MEGF11: variants seen among roughly 807,000 people sequenced by gnomAD.
The protein encoded by MEGF11 is multiple EGF like domains 11.
In MEGF11, 126 loss-of-function variants were observed where a neutral mutation model predicts 146.6. The ratio of observed to expected loss-of-function variants is 0.86; its 90% CI spans 0.74 to 1.00. MEGF11 has a LOEUF of 1.00. MEGF11 is among the 50% of genes least tolerant of loss of function. The pLI is 0.00. For synonymous variants in MEGF11, 532 were observed against 583.4 expected (o/e 0.91, Z 1.27); for missense variants, 1,509 against 1,521.2 (o/e 0.99, Z 0.13).
At chr15:65,959,796 G>A (rs1209166691) in intron 9 of MEGF11, among the ~76,000 whole-genome samples, 4 of 152,142 alleles carry the variant, frequency 2.6e-5, no homozygotes, top group Admixed American at 6.5e-5. Context: ...TGTGAATTAG[G>A]TATTTGAGCC....
chr15:66,015,338 G>A (rs935119368), intron 5 of MEGF11, among the ~76,000 whole-genome samples: 10 of 152,170 alleles, frequency 6.6e-5, no homozygotes, highest in Admixed American at 3.9e-4. Context: ...AGTTGCTCTC[G>A]GCTAGATCTG....
At chr15:66,015,306 T>C (rs1386048931) in intron 5 of MEGF11, among the ~76,000 whole-genome samples, 1 of 152,208 alleles carries the variant, frequency 6.6e-6, no homozygotes, top group Non-Finnish European at 1.5e-5. Flanking sequence ...GAGGGTCATC[T>C]GGGCAGCTCT....
chr15:66,245,454 C>A (rs2092281485), intron 1 of MEGF11, among the ~76,000 whole-genome samples: 2 of 129,648 alleles, frequency 1.5e-5, no homozygotes. Context: ...ATAGCAAGAC[C>A]CATCTCTGTA....
At chr15:66,088,857 T>G (rs1374432188) in intron 5 of MEGF11, among the ~76,000 whole-genome samples, 3 of 152,148 alleles carry the variant, frequency 2.0e-5, no homozygotes, top group African/African-American at 7.2e-5. Flanking sequence ...GGGGAGTTAG[T>G]GTTCAGTGAG....
chr15:66,064,106 A>G (rs190556881), intron 5 of MEGF11, among the ~76,000 whole-genome samples: 31 of 152,304 alleles, frequency 2.0e-4, no homozygotes, highest in African/African-American at 7.5e-4. Flanking sequence ...GCAGTGGCTC[A>G]CACCTGTAAT....
chr15:66,210,679 C>G (rs1176001520), intron 1 of MEGF11, among the ~76,000 whole-genome samples: 1 of 152,224 alleles, frequency 6.6e-6, no homozygotes, highest in Non-Finnish European at 1.5e-5. Context: ...GAGGGACTTT[C>G]AAGATCATCT....
rs1488362798 is a variant in MEGF11 at position 65,913,849 on chromosome 15, C to T, written c.2598G>A (p.Leu866=). ...MLLLFLIVVL[L]GLFAWHRRRQ... is the part of the protein sequence containing the mutation. Reference sequence around the variant, plus strand: ...GCCGCCGATGCCAGGCAAATAGGCCCAGCAGCACCACAATGAGGAATAACA... The same window carrying T: ...GCCGCCGATGCCAGGCAAATAGGCCTAGCAGCACCACAATGAGGAATAACA... Residue 866 remains leucine (L), a synonymous_variant, in exon 20 of 26, where the codon CTG becomes CTA. Transcript: ENST00000395614. 4 of 1,614,038 alleles carry T rather than the reference C, an allele frequency of 2.5e-6. No individual in the cohort carries two copies. The South Asian group carries it at 4.4e-5, about 18-fold the overall frequency.
chr15:66,009,784 C>T (rs941878003), intron 5 of MEGF11, among the ~76,000 whole-genome samples: 4 of 151,682 alleles, frequency 2.6e-5, no homozygotes, highest in African/African-American at 4.8e-5. Flanking sequence ...TTAGTAGAGG[C>T]GGGGTTTCAT....
At chr15:66,188,022 G>A (rs963484555) in intron 1 of MEGF11, among the ~76,000 whole-genome samples, 1 of 152,142 alleles carries the variant, frequency 6.6e-6, no homozygotes, top group Non-Finnish European at 1.5e-5. Flanking sequence ...CTGACGTTTT[G>A]GGCTGGATAA....
chr15:65,896,307 G>A lies in MEGF11; in HGVS notation c.*1627C>T, dbSNP rs1216329886. 6.6e-6 allele frequency: 1 copy of A among 152,548 alleles called. No homozygotes were observed. The highest frequency in any genetic ancestry group is 1.5e-5 in the Non-Finnish European group (1 of 68,016). 9.4% of individuals were successfully genotyped at this position (152,548 alleles called of 1,614,324 possible). On this transcript the variant is annotated 3_prime_UTR_variant, in exon 26 of 26. Coordinates refer to ENST00000395614, the MANE Select transcript of MEGF11 (RefSeq NM_001385028.1). ...ATATTTTCCTCTAACAGTAAAATCT[G>A]CTTATGCCTTGAGTGATGTGGGAAG...
chr15:66,159,185 G>T (rs2089867515), intron 1 of MEGF11, among the ~76,000 whole-genome samples: 1 of 152,228 alleles, frequency 6.6e-6, no homozygotes, highest in African/African-American at 2.4e-5. Context: ...CTTTCTAGAT[G>T]AGAAAACTGA....
At chr15:66,157,584 C>T (rs1183663165) in intron 1 of MEGF11, among the ~76,000 whole-genome samples, 1 of 152,250 alleles carries the variant, frequency 6.6e-6, no homozygotes, top group South Asian at 2.1e-4. Context: ...CCATCTTCGT[C>T]CCTTTCTCCT....
At chr15:66,185,018 C>T (rs1442695010) in intron 1 of MEGF11, among the ~76,000 whole-genome samples, 2 of 152,164 alleles carry the variant, frequency 1.3e-5, no homozygotes, top group Non-Finnish European at 2.9e-5. Context: ...GCTTGTCTCT[C>T]ACACTGCATA....
chr15:65,964,798 C>T (rs1456632291), intron 9 of MEGF11, 110 bp downstream of exon 9: 1 of 1,073,064 alleles, frequency 9.3e-7, no homozygotes, highest in African/African-American at 1.6e-5. Context: ...CCCTTTCCCC[C>T]ACCTGCCTGG....
chr15:65,921,816 G>A (rs1182784952), intron 15 of MEGF11: 1 of 155,532 alleles, frequency 6.4e-6, no homozygotes, highest in Non-Finnish European at 1.4e-5. Context: ...CTCCTGCTGA[G>A]TGGTAGCAGT....
intron 5 of MEGF11, among the ~76,000 whole-genome samples, chr15:66,043,230 A>C (rs1259659377): frequency 6.6e-6 from 1 of 152,262 alleles, no homozygotes; most frequent in Non-Finnish European, 1.5e-5. Context: ...AGTGGTTGGC[A>C]ACCCAATGGT....
intron 17 of MEGF11, 77 bp from the exon 18 acceptor site, chr15:65,916,353 TTCTG>T (rs113004184): frequency 1.6e-5 from 23 of 1,476,160 alleles, no homozygotes; most frequent in African/African-American, 1.1e-4. Context: ...CAGACCTGTC[TTCTG>T]TCTCTTTTTT....
chr15:65,983,508 A>T (rs2081736653), intron 5 of MEGF11, among the ~76,000 whole-genome samples: 1 of 152,216 alleles, frequency 6.6e-6, no homozygotes, highest in African/African-American at 2.4e-5. Flanking sequence ...GGACAGGCAC[A>T]CATAATGTTC....
At chr15:66,199,872 C>T (rs1430712833) in intron 1 of MEGF11, among the ~76,000 whole-genome samples, 2 of 151,952 alleles carry the variant, frequency 1.3e-5, no homozygotes, top group East Asian at 1.9e-4. Flanking sequence ...ATAGTCCAAA[C>T]TAGAAACAAT....
Sources: gnomAD v4.1 joint callset for allele counts (sites outside exome capture counted in the v4.1 genomes callset) on GRCh38, gnomAD v4.1.1 for gene constraint, MANE v1.5 for transcripts, NCBI Gene and HGNC (gene_info 2026-07-23, HGNC 2026-07-21) for gene names.